ARL15: variants seen among roughly 807,000 people sequenced by gnomAD.
ARL15 encodes ARF like GTPase 15, also known as ADP-ribosylation factor-like protein 15.
A neutral mutation model predicts 25.2 loss-of-function variants in ARL15; 19 were observed. The ratio of observed to expected loss-of-function variants is 0.75; its 90% confidence interval spans 0.53 to 1.10. The LOEUF is 1.10. ARL15 is among the 50% of genes least tolerant of loss of function. The pLI is 0.00. For missense variants in ARL15, 220 were observed against 246.0 expected, an observed-to-expected ratio of 0.89 and a Z score of 0.71; for synonymous variants, 94 against 86.8, an observed-to-expected ratio of 1.08 and a Z score of -0.46.
At chr5:54,063,464 T>C (rs1751127721) in intron 4 of ARL15, among the ~76,000 whole-genome samples, 1 of 152,166 alleles carries the variant, frequency 6.6e-6, no homozygotes, top group Non-Finnish European at 1.5e-5. Context: ...GCTTACCTGA[T>C]ATAGTAAGAT....
chr5:54,163,355 GCTTTTTTTTTTTTTTTTTTTT>G (rs1406920729), intron 2 of ARL15, among the ~76,000 whole-genome samples: 3 of 51,342 alleles, frequency 5.8e-5, no homozygotes, highest in African/African-American at 2.5e-4. Flanking sequence ...TTGGTATGAA[GCTTTTTTTTTTTTTTTTTTTT>G]TTTTTTTTTT....
At chr5:54,143,114 C>G (rs1166387534) in intron 3 of ARL15, among the ~76,000 whole-genome samples, 6 of 152,030 alleles carry the variant, frequency 3.9e-5, no homozygotes, top group African/African-American at 1.2e-4. Context: ...ATACAATTAT[C>G]AATTAGATCA....
At chr5:54,034,072 C>T (rs1750094016) in intron 4 of ARL15, among the ~76,000 whole-genome samples, 1 of 152,140 alleles carries the variant, frequency 6.6e-6, no homozygotes, top group South Asian at 2.1e-4. Flanking sequence ...CTTGGCCTCC[C>T]AAAGTGCTGG....
chr5:53,957,156 T>G (rs190183253), intron 4 of ARL15, among the ~76,000 whole-genome samples: 1 of 152,212 alleles, frequency 6.6e-6, no homozygotes, highest in Non-Finnish European at 1.5e-5. Context: ...CATCTAATAA[T>G]CAAATTATTG....
At chr5:54,113,079 A>C (rs1752787856) in intron 4 of ARL15, 123 bp downstream of exon 4, 2 of 934,506 alleles carry the variant, frequency 2.1e-6, no homozygotes, top group Non-Finnish European at 1.6e-6. Context: ...ATGAAAACTA[A>C]GGTTTCATGT....
At chr5:54,200,083 G>T (rs2112480007) in intron 1 of ARL15, among the ~76,000 whole-genome samples, 1 of 146,048 alleles carries the variant, frequency 6.8e-6, no homozygotes, top group East Asian at 2.1e-4. Context: ...TCATAGGTGG[G>T]AATTGAACAA....
At chr5:54,247,435 T>C (rs1239784872) in intron 1 of ARL15, among the ~76,000 whole-genome samples, 1 of 152,116 alleles carries the variant, frequency 6.6e-6, no homozygotes, top group Non-Finnish European at 1.5e-5. Flanking sequence ...ACCCCAGAAC[T>C]ACATCCTGCA....
chr5:54,069,752 A>G (rs554264954), intron 4 of ARL15, among the ~76,000 whole-genome samples: 234 of 151,510 alleles, frequency 1.5e-3, no homozygotes, highest in Non-Finnish European at 2.6e-3. Context: ...GATTCAAGCA[A>G]TTCTCCTGCC....
chr5:54,054,093 C>T (rs1750783014), intron 4 of ARL15, among the ~76,000 whole-genome samples: 2 of 152,082 alleles, frequency 1.3e-5, no homozygotes. Context: ...ATGTACCACC[C>T]AATCAGAAAC....
chr5:54,272,252 C>T (rs578123448), intron 1 of ARL15, among the ~76,000 whole-genome samples: 40 of 151,134 alleles, frequency 2.6e-4, no homozygotes, highest in African/African-American at 9.0e-4. Context: ...CATGTCCAAC[C>T]TTACAGTTTG....
chr5:54,232,834 C>A (rs1400393809), intron 1 of ARL15, among the ~76,000 whole-genome samples: 1 of 152,216 alleles, frequency 6.6e-6, no homozygotes, highest in African/African-American at 2.4e-5. Flanking sequence ...TGCCCTCATA[C>A]ACCATCCTTG....
At chr5:54,128,866 C>T (rs929308208) in intron 3 of ARL15, among the ~76,000 whole-genome samples, 32 of 151,968 alleles carry the variant, frequency 2.1e-4, no homozygotes, top group African/African-American at 7.2e-4. Context: ...CCACCACGCC[C>T]GGCTAATTTT....
At chr5:54,092,946 TAGA>T (rs1017833182) in intron 4 of ARL15, among the ~76,000 whole-genome samples, 8 of 152,352 alleles carry the variant, frequency 5.3e-5, no homozygotes, top group South Asian at 4.1e-4. Context: ...TCTCTGTGCT[TAGA>T]AGAAGGTGGC....
intron 4 of ARL15, among the ~76,000 whole-genome samples, chr5:54,030,037 T>C (rs1379582193): frequency 6.6e-6 from 1 of 151,988 alleles, no homozygotes; most frequent in African/African-American, 2.4e-5. Flanking sequence ...TAGCCAGGTA[T>C]GGTAGTGTGT....
chr5:54,096,638 T>C (rs1752296003), intron 4 of ARL15, among the ~76,000 whole-genome samples: 9 of 152,212 alleles, frequency 5.9e-5, no homozygotes. Flanking sequence ...CTCAAACTCC[T>C]GACCTCAAGT....
At chr5:53,998,831 T>A (rs1748767934) in intron 4 of ARL15, among the ~76,000 whole-genome samples, 1 of 152,144 alleles carries the variant, frequency 6.6e-6, no homozygotes, top group South Asian at 2.1e-4. Context: ...GGGAATTGGG[T>A]TTGGTGCCAA....
intron 3 of ARL15, among the ~76,000 whole-genome samples, chr5:54,125,070 G>GTTTTTTTT (rs1753203668): frequency 2.9e-5 from 4 of 135,946 alleles, no homozygotes; most frequent in African/African-American, 5.8e-5. Flanking sequence ...CAAGTTTTTT[G>GTTTTTTTT]TTTTGTTTTG....
intron 4 of ARL15, among the ~76,000 whole-genome samples, chr5:53,986,828 T>G (rs1405514717): frequency 6.6e-6 from 1 of 152,150 alleles, no homozygotes; most frequent in Non-Finnish European, 1.5e-5. Flanking sequence ...CTAATGAGGC[T>G]GAGAGTCTAC....
intron 4 of ARL15, among the ~76,000 whole-genome samples, chr5:54,095,343 T>G (rs1170600092): frequency 6.6e-6 from 1 of 152,198 alleles, no homozygotes; most frequent in Non-Finnish European, 1.5e-5. Context: ...TGGCTAACAA[T>G]TACCAGAATA....
Sources: allele counts gnomAD v4.1 joint callset (sites outside exome capture counted in the v4.1 genomes callset), GRCh38; gene constraint gnomAD v4.1.1; transcripts MANE v1.5; gene names NCBI Gene and HGNC (gene_info 2026-07-23, HGNC 2026-07-21).